Variants in TMEM184A observed in about 807,000 individuals in gnomAD.
TMEM184A encodes the protein transmembrane protein 184A.
In TMEM184A, 40 loss-of-function variants were observed where a neutral mutation model predicts 39.5. That is an observed-to-expected ratio of 1.01 (90% CI 0.79 to 1.32). TMEM184A has a LOEUF of 1.32. TMEM184A is among the 40% of genes most tolerant of loss of function. The probability of loss-of-function intolerance (pLI) is 0.00; values close to 1 mark genes in which losing one functional copy is unlikely to be tolerated. For missense variants in TMEM184A, 603 were observed against 568.8 expected (o/e 1.06, Z -0.61); for synonymous variants, 280 against 252.3 (o/e 1.11, Z -1.04).
At chr7:1,549,640 G>T in intron 6 of TMEM184A, 1 of 672,908 alleles carries the variant, frequency 1.5e-6, no homozygotes, top group Non-Finnish European at 2.8e-6. Context: ...TCTTGGGCGG[G>T]GCCCCTAGCC....
In TMEM184A at chr7:1,555,542, G is replaced by T; in HGVS notation, c.1-58C>A. 2 of 1,386,790 alleles carry T rather than the reference G, an allele frequency of 1.4e-6. No homozygotes were observed. The highest frequency in any genetic ancestry group is 2.0e-6 in the Non-Finnish European group (2 of 988,862). The allele number at this position is 1,386,790 out of a possible 1,614,324, so 85.9% of individuals were successfully genotyped here. A position where few individuals can be genotyped will look rare whatever the true frequency, so the allele number is the denominator to read the frequency against. ...AGTGAGGGCAAAGGTACTGGCTCCC[G>T]GCAGCAGGAAGCAGCGGGGGAGGGA... On this transcript the variant is annotated intron_variant, in intron 1 of 8. Transcript: ENST00000297477. This position sits in a 1 kb window ranked among gnomAD's most constrained non-coding sequence, Gnocchi z 5.2.
chr7:1,548,488 G>T, intron 7 of TMEM184A, 31 bp downstream of exon 7: 4 of 1,593,416 alleles, frequency 2.5e-6, no homozygotes, highest in Non-Finnish European at 3.4e-6. Context: ...CCCCACCTCG[G>T]TAGCACCCCT....
At position 1,551,936 on chromosome 7, in the gene TMEM184A, CA is replaced by C. The variant is rs879312845; in HGVS notation, c.220-955del. Among the ~76,000 whole-genome samples the C allele has an allele frequency of 1.6e-3, 218 of 137,568 alleles. 1 individual carries two copies. Among genetic ancestry groups the C allele is most frequent in the Admixed American group, 1.7e-3 (23 of 13,818 alleles). The allele number at this position is 137,568 out of a possible 152,430, so 90.2% of individuals were successfully genotyped here. A position where few individuals can be genotyped will look rare whatever the true frequency, so the allele number is the denominator to read the frequency against. The stretch of plus-strand genomic sequence containing the variant: ...TGGGCGACAGAGCGAGACCCTTTCT[CA>C]AAAAAAAAAAAATATTTTTTTGAGA... On this transcript the variant is annotated intron_variant, in intron 2 of 8. Coordinates refer to ENST00000297477, the MANE Select transcript of TMEM184A (RefSeq NM_001097620.2).
chr7:1,548,460 G>C, intron 7 of TMEM184A, 59 bp downstream of exon 7: 3 of 1,557,778 alleles, frequency 1.9e-6, no homozygotes, highest in Non-Finnish European at 2.6e-6. Context: ...GGTGACCCCA[G>C]GCTCACTGGA....
chr7:1,556,034 A>G, intron 1 of TMEM184A, 80 bp downstream of exon 1: 1 of 180,400 alleles, frequency 5.5e-6, no homozygotes, highest in South Asian at 1.2e-4. Flanking sequence ...TGGGGCCCTG[A>G]GTCCACCCTC....
At chr7:1,554,239 AG>A (rs1487500298) in intron 2 of TMEM184A, among the ~76,000 whole-genome samples, 1 of 152,146 alleles carries the variant, frequency 6.6e-6, no homozygotes, top group East Asian at 1.9e-4. Flanking sequence ...GCTAATAAGC[AG>A]TTAATAAACT....
At position 1,550,392 on chromosome 7, in the gene TMEM184A, A is replaced by G; in HGVS notation, c.389T>C (p.Phe130Ser). Residue 130 changes from phenylalanine (F) to serine (S), a missense_variant, in exon 4 of 9, where the codon TTT (phenylalanine) becomes TCT (serine). By Grantham distance (155) the Phe-to-Ser change is radical. Coordinates refer to ENST00000297477, the MANE Select transcript of TMEM184A (RefSeq NM_001097620.2). ...FDSVRDCYEA[F>S]VIYSFLSLCF... The stretch of plus-strand genomic sequence containing the variant: ...CAGGCTCAGGAAGCTGTAAATGACA[A>G]AGGCTGCAGGGAGCACAGAGGGGGA... 6.2e-7 allele frequency: 1 copy of G among 1,611,474 alleles called. No homozygotes were observed. Among genetic ancestry groups the G allele is most frequent in the African/African-American group, 1.3e-5 (1 of 75,014 alleles).
Position 1,547,745 on chromosome 7 carries a change from G to A in TMEM184A, c.1009C>T (p.Pro337Ser), listed in dbSNP as rs779966967. ...CCAGCTGGAAGGCAGGGTGTACCTGGTGAATTCTCCTTCTTCTCTGCGTAC... is the reference window on the plus strand; with the variant it reads ...CCAGCTGGAAGGCAGGGTGTACCTGATGAATTCTCCTTCTTCTCTGCGTAC... Reference protein sequence around the residue: ...QVYAEKKENSPAPPAPMQSIS... With the variant: ...QVYAEKKENSSAPPAPMQSIS... Residue 337 changes from proline to serine, a missense_variant, in exon 8 of 9, where the codon CCA (proline) becomes TCA (serine). Physicochemically the swap from Pro to Ser is moderately conservative, Grantham distance 74. Transcript: ENST00000297477. The A allele has an allele frequency of 6.2e-7, 1 of 1,611,870 alleles. No individual in the cohort carries two copies. The highest frequency in any genetic ancestry group is 8.5e-7 in the Non-Finnish European group (1 of 1,179,442).
chr7:1,550,721 G>T (rs1289837448), intron 3 of TMEM184A, 96 bp downstream of exon 3: 10 of 1,468,250 alleles, frequency 6.8e-6, no homozygotes, highest in Non-Finnish European at 9.3e-6. Flanking sequence ...GGAGAGTGGG[G>T]TGCCCTGGGG....
chr7:1,550,428 G>C, intron 3 of TMEM184A, 33 bp from the exon 4 acceptor site: 1 of 1,555,278 alleles, frequency 6.4e-7, no homozygotes, highest in Non-Finnish European at 8.8e-7. Context: ...CCGGCTGTGA[G>C]CCCTGAGCTG....
At chr7:1,549,204 T>C (rs1211169490) in intron 6 of TMEM184A, 2 of 456,042 alleles carry the variant, frequency 4.4e-6, no homozygotes, top group Non-Finnish European at 8.8e-6. Context: ...GGTTTGCGCA[T>C]GTGCTGTGTG....
chr7:1,553,841 G>A (rs1778436441), intron 2 of TMEM184A, among the ~76,000 whole-genome samples: 1 of 152,078 alleles, frequency 6.6e-6, no homozygotes, highest in Admixed American at 6.6e-5. Flanking sequence ...GTCCTGCCTG[G>A]GACTCCTCAC....
chr7:1,548,959 C>G (rs562915740), intron 6 of TMEM184A: 3 of 622,588 alleles, frequency 4.8e-6, no homozygotes, highest in Non-Finnish European at 6.0e-6. Flanking sequence ...AGGATCCTGT[C>G]CACTGCTCAG....
Position 1,555,681 on chromosome 7 carries a change from AC to A in TMEM184A, c.1-198del. ...GCTCCGAGCTCAGCCATCGAAGCTC[AC>A]CCATCAACCACCTGCGACCTGAGGG... On this transcript the variant is annotated intron_variant, in intron 1 of 8. Coordinates refer to ENST00000297477, the MANE Select transcript of TMEM184A (RefSeq NM_001097620.2). This position sits in a 1 kb window ranked among gnomAD's most constrained non-coding sequence, Gnocchi z 5.2. 1 of 626,942 alleles carries A rather than the reference AC, an allele frequency of 1.6e-6. No homozygotes were observed. The highest frequency in any genetic ancestry group is 1.8e-5 in the South Asian group (1 of 54,878). The allele number at this position is 626,942 out of a possible 1,614,324, so 38.8% of individuals were successfully genotyped here. A position where few individuals can be genotyped will look rare whatever the true frequency, so the allele number is the denominator to read the frequency against.
At position 1,550,208 on chromosome 7, in the gene TMEM184A, A is replaced by G. The variant is rs1432245147; in HGVS notation, c.477-10T>C. The G allele has an allele frequency of 6.2e-7, 1 of 1,606,054 alleles. No homozygotes were observed. The highest frequency in any genetic ancestry group is 8.5e-7 in the Non-Finnish European group (1 of 1,177,052). ...GTACAAGCAGCTGGACCTGCGGGGGACGTCCCTGAGCCGGTGCGGGAGAAT... is the reference window on the plus strand; with the variant it reads ...GTACAAGCAGCTGGACCTGCGGGGGGCGTCCCTGAGCCGGTGCGGGAGAAT... On this transcript the variant is annotated splice_polypyrimidine_tract_variant and intron_variant, in intron 4 of 8. Transcript: ENST00000297477.
At position 1,547,012 on chromosome 7, in the gene TMEM184A, G is replaced by A. The variant is rs778970084; in HGVS notation, c.1182C>T (p.Gly394=). ...RPGTHPSGGS[G]GSRKSRSLEK... The stretch of plus-strand genomic sequence containing the variant: ...CCAGGCTCCGGCTCTTCCTGCTCCC[G>A]CCGGAGCCGCCGCTGGGGTGGGTGC... The change falls in exon 9 of 9, where the codon GGC becomes GGT. Residue 394 remains glycine (G), a synonymous_variant. Transcript: ENST00000297477. The A allele has an allele frequency of 1.9e-5, 29 of 1,554,442 alleles. No homozygotes were observed. Among genetic ancestry groups the A allele is most frequent in the African/African-American group, 1.8e-4 (11 of 61,520 alleles).
chr7:1,549,551 G>C (rs1369431454), intron 6 of TMEM184A: 2 of 528,364 alleles, frequency 3.8e-6, no homozygotes, highest in Admixed American at 2.3e-5. Context: ...ACTCACCCCA[G>C]CCGTGTCCTG....
At chr7:1,549,503 C>T in intron 6 of TMEM184A, 1 of 483,040 alleles carries the variant, frequency 2.1e-6, no homozygotes, top group South Asian at 1.5e-5. Context: ...GGCCAGAAGC[C>T]CTGGGGTCCT....
At chr7:1,553,830 T>G (rs1583224974) in intron 2 of TMEM184A, among the ~76,000 whole-genome samples, 1 of 152,166 alleles carries the variant, frequency 6.6e-6, no homozygotes, top group African/African-American at 2.4e-5. Context: ...AGCCACTCTG[T>G]GTCCTGCCTG....
Sources: allele counts gnomAD v4.1 joint callset (sites outside exome capture counted in the v4.1 genomes callset), GRCh38; gene constraint gnomAD v4.1.1; non-coding constraint Gnocchi (gnomAD v3.1); transcripts MANE v1.5; gene names NCBI Gene and HGNC (gene_info 2026-07-23, HGNC 2026-07-21).